MARCHF3: variants seen among roughly 807,000 people sequenced by gnomAD.
MARCHF3 encodes the protein membrane associated ring-CH-type finger 3.
MARCHF3 carries 13 observed loss-of-function variants against 24.2 expected under a neutral mutation model. That is an observed-to-expected ratio of 0.54 (90% CI 0.35 to 0.85). The LOEUF is 0.85. Among genes scored for constraint, MARCHF3 ranks in the 40% least tolerant of loss-of-function variants. The pLI, the probability that MARCHF3 is intolerant of heterozygous loss-of-function variation, is 0.01. For synonymous variants in MARCHF3, 144 were observed against 137.3 expected (o/e 1.05, Z -0.34); for missense variants, 276 against 325.0 (o/e 0.85, Z 1.16).
chr5:127,020,020 G>A (rs1474630023), intron 1 of MARCHF3, among the ~76,000 whole-genome samples: 1 of 152,156 alleles, frequency 6.6e-6, no homozygotes, highest in Non-Finnish European at 1.5e-5. Context: ...AAAAGCCCAA[G>A]GGGAAACACC....
At chr5:126,934,876 T>G (rs1221615346) in intron 1 of MARCHF3, among the ~76,000 whole-genome samples, 1 of 152,194 alleles carries the variant, frequency 6.6e-6, no homozygotes, top group Non-Finnish European at 1.5e-5. Context: ...AGGTCCCGAT[T>G]TGCTGTGTGA....
chr5:127,024,884 T>A (rs1258197009), intron 1 of MARCHF3, among the ~76,000 whole-genome samples: 2 of 152,212 alleles, frequency 1.3e-5, no homozygotes, highest in Admixed American at 1.3e-4. Flanking sequence ...TTGAAATATG[T>A]TTATATTTTA....
intron 3 of MARCHF3, among the ~76,000 whole-genome samples, chr5:126,889,350 T>C (rs1375218912): frequency 6.6e-6 from 1 of 152,126 alleles, no homozygotes; most frequent in Non-Finnish European, 1.5e-5. Flanking sequence ...AATAAATTCC[T>C]ATTTTGATAA....
At chr5:126,898,972 AAACT>A in intron 3 of MARCHF3, 1 of 985,232 alleles carries the variant, frequency 1.0e-6, no homozygotes. Flanking sequence ...TTTAGTATCC[AAACT>A]AAAAGCTTCA....
chr5:126,963,095 G>A (rs1750693746), intron 1 of MARCHF3, among the ~76,000 whole-genome samples: 1 of 152,050 alleles, frequency 6.6e-6, no homozygotes, highest in Admixed American at 6.6e-5. Context: ...ACCAGATAAT[G>A]TATGTAATGT....
chr5:127,029,299 C>T (rs1283491377), intron 1 of MARCHF3, among the ~76,000 whole-genome samples: 3 of 152,202 alleles, frequency 2.0e-5, no homozygotes, highest in Non-Finnish European at 2.9e-5. Context: ...CTATATATCT[C>T]AACATTTTCA....
At chr5:126,918,813 G>A (rs1004461470) in intron 1 of MARCHF3, among the ~76,000 whole-genome samples, 2 of 152,174 alleles carry the variant, frequency 1.3e-5, no homozygotes, top group Admixed American at 6.5e-5. Flanking sequence ...TGCCATATCT[G>A]TTGCATAATA....
At chr5:126,943,659 AT>A in intron 1 of MARCHF3, among the ~76,000 whole-genome samples, 1 of 152,100 alleles carries the variant, frequency 6.6e-6, no homozygotes, top group South Asian at 2.1e-4. Flanking sequence ...AGCCTGTATT[AT>A]CTTATTGAAT....
At chr5:126,873,809 A>C (rs1408368782) in intron 4 of MARCHF3, among the ~76,000 whole-genome samples, 2 of 152,246 alleles carry the variant, frequency 1.3e-5, no homozygotes, top group African/African-American at 4.8e-5. Context: ...CAACATAAGA[A>C]GATGCTTCTT....
chr5:126,878,436 T>C (rs1419864316), intron 3 of MARCHF3, 42 bp from the exon 4 acceptor site: 10 of 1,563,792 alleles, frequency 6.4e-6, no homozygotes, highest in Non-Finnish European at 8.7e-6. Context: ...GGGAGAGGGT[T>C]AAATGCCAGT....
At position 126,917,381 on chromosome 5, in the gene MARCHF3, G is replaced by GA. The variant is rs572727607; in HGVS notation, c.188+602dup. Among the ~76,000 whole-genome samples the GA allele has an allele frequency of 2.0e-5, 3 of 152,272 alleles. No individual in the cohort carries two copies. In the South Asian group the frequency reaches 6.2e-4, roughly 32 times the overall value. ...ACTCGGGCTTTAGTTCACCACTTGGGAAGGCTCAGGAGGTTTTCACAATAG... is the reference window on the plus strand; with the variant it reads ...ACTCGGGCTTTAGTTCACCACTTGGGAAAGGCTCAGGAGGTTTTCACAATAG... On this transcript the variant is annotated intron_variant, in intron 2 of 4. Transcript: ENST00000308660.
At chr5:126,974,246 T>C (rs965867061) in intron 1 of MARCHF3, among the ~76,000 whole-genome samples, 2 of 152,192 alleles carry the variant, frequency 1.3e-5, no homozygotes, top group Admixed American at 1.3e-4. Flanking sequence ...AAAAGATGGA[T>C]GGGGACCCTT....
chr5:126,954,133 CG>C (rs1373696233), intron 1 of MARCHF3, among the ~76,000 whole-genome samples: 3 of 151,868 alleles, frequency 2.0e-5, no homozygotes, highest in Non-Finnish European at 4.4e-5. Flanking sequence ...CCTGGCTTCA[CG>C]CCATTCTCCT....
intron 3 of MARCHF3, among the ~76,000 whole-genome samples, chr5:126,899,702 A>C (rs1754040979): frequency 1.3e-5 from 2 of 152,086 alleles, no homozygotes; most frequent in African/African-American, 4.8e-5. Context: ...AAGAAGTGCC[A>C]CTCTACTCTT....
chr5:126,888,664 A>G (rs957537698), intron 3 of MARCHF3, among the ~76,000 whole-genome samples: 2 of 152,382 alleles, frequency 1.3e-5, no homozygotes, highest in East Asian at 3.9e-4. Flanking sequence ...TAACCAAGAC[A>G]GAATGGAGAG....
chr5:126,900,861 C>T (rs1249475967), intron 3 of MARCHF3, among the ~76,000 whole-genome samples: 1 of 151,912 alleles, frequency 6.6e-6, no homozygotes, highest in African/African-American at 2.4e-5. Flanking sequence ...GCCACCACGC[C>T]CAGCTAATTT....
intron 1 of MARCHF3, among the ~76,000 whole-genome samples, chr5:126,971,449 A>T (rs1751007165): frequency 3.4e-5 from 1 of 29,820 alleles, no homozygotes; most frequent in Admixed American, 3.7e-4. Flanking sequence ...ACTCTGTCTC[A>T]AAAAAAAAAA....
chr5:126,990,585 G>T, intron 1 of MARCHF3, among the ~76,000 whole-genome samples: 1 of 152,142 alleles, frequency 6.6e-6, no homozygotes, highest in Non-Finnish European at 1.5e-5. Context: ...CATGGCAAAA[G>T]AAACTACCAT....
chr5:126,930,697 C>T (rs931934218), intron 1 of MARCHF3, among the ~76,000 whole-genome samples: 7 of 152,194 alleles, frequency 4.6e-5, no homozygotes, highest in Middle Eastern at 3.2e-3. Context: ...TGTGTATGCA[C>T]GAGAAACATT....
Sources: gnomAD v4.1 joint callset for allele counts (sites outside exome capture counted in the v4.1 genomes callset) on GRCh38, gnomAD v4.1.1 for gene constraint, MANE v1.5 for transcripts, NCBI Gene and HGNC (gene_info 2026-07-23, HGNC 2026-07-21) for gene names.